Variants in RPSA2 observed in about 807,000 individuals in gnomAD.
The protein encoded by RPSA2 is small ribosomal subunit protein uS2B.
chr19:23,781,053 C>A, the RPSA2 span, among the ~76,000 whole-genome samples: 1 of 152,204 alleles, frequency 6.6e-6, no homozygotes, highest in Non-Finnish European at 1.5e-5. Flanking sequence ...CGGCTCACTG[C>A]AACCTCCACC....
At chr19:23,864,289 A>C in the RPSA2 span, among the ~76,000 whole-genome samples, 1 of 152,192 alleles carries the variant, frequency 6.6e-6, no homozygotes. Flanking sequence ...TTCTTAAGTA[A>C]ACTCAAATTT....
At chr19:23,822,476 C>A in the RPSA2 span, among the ~76,000 whole-genome samples, 1 of 124,230 alleles carries the variant, frequency 8.0e-6, no homozygotes, top group Non-Finnish European at 1.7e-5. Flanking sequence ...CTATGAGGTC[C>A]TGGGGGTTCT....
the RPSA2 span, among the ~76,000 whole-genome samples, chr19:23,857,474 CT>C: frequency 7.7e-6 from 1 of 129,228 alleles, no homozygotes. Context: ...ATTTTGAAGT[CT>C]TTTTAAAGTC....
chr19:23,840,412 G>A, the RPSA2 span, among the ~76,000 whole-genome samples: 1 of 152,126 alleles, frequency 6.6e-6, no homozygotes, highest in Non-Finnish European at 1.5e-5. Context: ...GCCTGAGCAG[G>A]TGAAGATATA....
chr19:23,780,109 C>T, the RPSA2 span, among the ~76,000 whole-genome samples: 1 of 152,118 alleles, frequency 6.6e-6, no homozygotes, highest in African/African-American at 2.4e-5. Flanking sequence ...CACAGCTAGG[C>T]TTACAAAAAG....
chr19:23,836,639 T>G, the RPSA2 span, among the ~76,000 whole-genome samples: 1 of 152,224 alleles, frequency 6.6e-6, no homozygotes, highest in Non-Finnish European at 1.5e-5. Flanking sequence ...ACCGGCAGTG[T>G]GGAAGTGTTC....
chr19:23,826,508 T>G, the RPSA2 span, among the ~76,000 whole-genome samples: 6 of 151,960 alleles, frequency 3.9e-5, no homozygotes, highest in African/African-American at 1.5e-4. Flanking sequence ...TTTTTCTGTT[T>G]TATAGCGTTT....
chr19:23,768,988 C>T, the RPSA2 span, among the ~76,000 whole-genome samples: 6 of 152,148 alleles, frequency 3.9e-5, no homozygotes, highest in Non-Finnish European at 5.9e-5. Context: ...ATGTAACTCT[C>T]CTCTTCAGCC....
the RPSA2 span, among the ~76,000 whole-genome samples, chr19:23,811,306 T>C: frequency 6.6e-6 from 1 of 152,172 alleles, no homozygotes; most frequent in Non-Finnish European, 1.5e-5. Context: ...TGTAAGCCAA[T>C]GTGCCTGGCC....
At chr19:23,776,989 G>A in the RPSA2 span, among the ~76,000 whole-genome samples, 1 of 152,202 alleles carries the variant, frequency 6.6e-6, no homozygotes, top group African/African-American at 2.4e-5. Flanking sequence ...TGCCATATGG[G>A]GATTGTGATA....
At chr19:23,761,926 T>TCCCTCC in the RPSA2 span, among the ~76,000 whole-genome samples, 1 of 124,778 alleles carries the variant, frequency 8.0e-6, no homozygotes, top group African/African-American at 3.3e-5. Flanking sequence ...CTTTCTTTTT[T>TCCCTCC]TTTTTTTTTG....
the RPSA2 span, among the ~76,000 whole-genome samples, chr19:23,822,906 A>AT: frequency 7.9e-5 from 12 of 151,410 alleles, no homozygotes; most frequent in South Asian, 2.1e-4. Flanking sequence ...AGCAAAGCTG[A>AT]TTTTTTTTTG....
chr19:23,847,380 G>A, the RPSA2 span, among the ~76,000 whole-genome samples: 4 of 152,006 alleles, frequency 2.6e-5, no homozygotes, highest in Non-Finnish European at 5.9e-5. Flanking sequence ...ATAAATGTCA[G>A]CCAGTCTGAG....
chr19:23,814,145 G>C, the RPSA2 span, among the ~76,000 whole-genome samples: 2 of 151,240 alleles, frequency 1.3e-5, no homozygotes, highest in East Asian at 4.0e-4. Context: ...CTGGAAGGCG[G>C]AGGTTGCAGC....
At chr19:23,801,743 C>G in the RPSA2 span, among the ~76,000 whole-genome samples, 1 of 152,196 alleles carries the variant, frequency 6.6e-6, no homozygotes, top group Non-Finnish European at 1.5e-5. Flanking sequence ...CTCTATCTCT[C>G]TTCTTTTTTT....
At chr19:23,768,547 G>GT in the RPSA2 span, among the ~76,000 whole-genome samples, 4 of 82,156 alleles carry the variant, frequency 4.9e-5, no homozygotes, top group African/African-American at 1.7e-4. Context: ...TAAATGACAT[G>GT]TTTATTGTCT....
the RPSA2 span, among the ~76,000 whole-genome samples, chr19:23,861,454 CA>C: frequency 6.6e-6 from 1 of 152,158 alleles, no homozygotes; most frequent in African/African-American, 2.4e-5. Context: ...TCACTTCTAG[CA>C]TATCTCCCCC....
At chr19:23,866,508 G>A in the RPSA2 span, among the ~76,000 whole-genome samples, 2 of 135,948 alleles carry the variant, frequency 1.5e-5, no homozygotes, top group Non-Finnish European at 3.3e-5. Context: ...ATCTTACAAT[G>A]TGGTGCCCCC....
chr19:23,781,044 G>A, the RPSA2 span, among the ~76,000 whole-genome samples: 6 of 152,054 alleles, frequency 3.9e-5, no homozygotes, highest in Admixed American at 6.6e-5. Context: ...GCATGATCTC[G>A]GCTCACTGCA....
Sources: allele counts gnomAD v4.1 joint callset (sites outside exome capture counted in the v4.1 genomes callset), GRCh38; gene constraint gnomAD v4.1.1; transcripts MANE v1.5; gene names NCBI Gene and HGNC (gene_info 2026-07-23, HGNC 2026-07-21).